Variants in DNAH2 observed in about 807,000 individuals in gnomAD.
DNAH2 encodes the protein dynein axonemal heavy chain 2.
Under a neutral mutation model 523.5 loss-of-function variants are expected in DNAH2, and 323 were observed. The ratio of observed to expected loss-of-function variants is 0.62; its 90% CI spans 0.56 to 0.68. The LOEUF (loss-of-function observed/expected upper bound fraction) is 0.68, where lower values mean the gene tolerates loss of function less well. DNAH2 is among the 30% of genes least tolerant of loss of function. The pLI, the probability that DNAH2 is intolerant of heterozygous loss-of-function variation, is 0.00. For synonymous variants in DNAH2, 2,093 were observed against 2,177.4 expected, an observed-to-expected ratio of 0.96 and a Z score of 1.08; for missense variants, 4,907 against 5,701.5, an observed-to-expected ratio of 0.86 and a Z score of 4.49.
At position 7,768,238 on chromosome 17, in the gene DNAH2, AGACC is replaced by A; in HGVS notation, c.3913_3916del (p.Asp1305CysfsTer59). 6.2e-7 allele frequency: 1 copy of A among 1,614,144 alleles called. No individual in the cohort carries two copies. Among genetic ancestry groups the A allele is most frequent in the Non-Finnish European group, 8.5e-7 (1 of 1,180,000 alleles). The stretch of plus-strand genomic sequence containing the variant: ...TCAAGAGGACCATGCCTCTCATCTC[AGACC>A]TGCGGAACCCTGCCCTTAGAGAGAG... On this transcript the variant is annotated frameshift_variant, in exon 24 of 86. Coordinates refer to ENST00000572933, the MANE Select transcript of DNAH2 (RefSeq NM_020877.5). LOFTEE classifies it high-confidence loss of function.
chr17:7,817,888 C>G lies in DNAH2; in HGVS notation c.10236+32C>G, dbSNP rs369522827. 3.5e-4 allele frequency: 559 copies of G among 1,614,028 alleles called. 1 individual carries two copies. The highest frequency in any genetic ancestry group is 1.8e-3 in the African/African-American group (138 of 74,996). ...GGCTGGGGGGTCAGGTTAGCCCCCC[C>G]CTTCCTGAGGCCCCACCTCTCCCGT... On this transcript the variant is annotated intron_variant, in intron 67 of 85. Coordinates refer to ENST00000572933, the MANE Select transcript of DNAH2 (RefSeq NM_020877.5).
chr17:7,759,678 T>C, intron 16 of DNAH2, 68 bp downstream of exon 16: 3 of 1,599,986 alleles, frequency 1.9e-6, no homozygotes, highest in South Asian at 2.3e-5. Flanking sequence ...CCTTAATTCC[T>C]AAACTTGGTC....
chr17:7,739,986 C>T, intron 9 of DNAH2, 48 bp downstream of exon 9: 1 of 1,598,860 alleles, frequency 6.3e-7, no homozygotes, highest in South Asian at 1.1e-5. Flanking sequence ...GAAGGCAGAT[C>T]AGGCAGCCAA....
intron 12 of DNAH2, among the ~76,000 whole-genome samples, chr17:7,751,257 T>A (rs1305824145): frequency 6.6e-6 from 1 of 152,056 alleles, no homozygotes; most frequent in Non-Finnish European, 1.5e-5. Flanking sequence ...GATTTCTGGC[T>A]AATTTTTGGA....
rs1734828816 is a variant in DNAH2 at position 7,818,067 on chromosome 17, C to T, written c.10358C>T (p.Pro3453Leu). 1 of 1,612,982 alleles carries T rather than the reference C, an allele frequency of 6.2e-7. No individual in the cohort carries two copies. The highest frequency in any genetic ancestry group is 8.5e-7 in the Non-Finnish European group (1 of 1,180,038). ...VQEYLDPTLN[P>L]MLNKSVARIG... ...GAATATCTGGACCCCACACTGAACC[C>T]CATGCTCAACAAATCTGTAGCCCGA... The change falls in exon 68 of 86, where the codon CCC (proline) becomes CTC (leucine). Residue 3453 changes from proline (P) to leucine (L), a missense_variant. Pro to Leu is a moderately conservative substitution (Grantham distance 98, BLOSUM62 -3). Transcript: ENST00000572933.
At chr17:7,800,343 G>A (rs1018463656) in intron 56 of DNAH2, among the ~76,000 whole-genome samples, 5 of 152,020 alleles carry the variant, frequency 3.3e-5, no homozygotes, top group Non-Finnish European at 7.4e-5. Context: ...GAGCCACCGC[G>A]CCCAGCTACC....
At chr17:7,740,638 G>A (rs1412713598) in intron 10 of DNAH2, 89 bp downstream of exon 10, 1 of 1,570,762 alleles carries the variant, frequency 6.4e-7, no homozygotes, top group Non-Finnish European at 8.6e-7. Context: ...CTCCACGTGT[G>A]CCCTTCTCCA....
chr17:7,824,436 G>A, intron 76 of DNAH2, 101 bp from the exon 77 acceptor site: 1 of 1,411,428 alleles, frequency 7.1e-7, no homozygotes, highest in Non-Finnish European at 9.3e-7. Context: ...AGATCTTAGT[G>A]TTAGGCCCCC....
chr17:7,733,475 C>CTTTTTTTTTTTTTTTTTTCT (rs2075051026), intron 5 of DNAH2, among the ~76,000 whole-genome samples, 160 bp downstream of exon 5: 1 of 113,862 alleles, frequency 8.8e-6, no homozygotes, highest in Non-Finnish European at 1.9e-5. Context: ...CCTTCTTCTT[C>CTTTTTTTTTTTTTTTTTTCT]TTTTTTTTTT....
At position 7,752,667 on chromosome 17, in the gene DNAH2, G is replaced by A. The variant is rs569326886; in HGVS notation, c.1905-4424G>A. Among the ~76,000 whole-genome samples the A allele has an allele frequency of 9.2e-5, 14 of 152,128 alleles. No homozygotes were observed. The South Asian group carries it at 1.5e-3, about 16-fold the overall frequency. On this transcript the variant is annotated intron_variant, in intron 12 of 85. Coordinates refer to ENST00000572933, the MANE Select transcript of DNAH2 (RefSeq NM_020877.5). ...AGAGCTTGCAGTGAGCTGAGATTGC[G>A]CCACTGCACTCCAGCCTGGGTGACA...
chr17:7,776,635 C>A (rs2076460477), intron 31 of DNAH2, 144 bp from the exon 32 acceptor site: 3 of 609,620 alleles, frequency 4.9e-6, no homozygotes, highest in African/African-American at 1.8e-5. Context: ...TAGCTCCTGA[C>A]CTGAGGCCCA....
chr17:7,804,593 C>G (rs907096156), intron 59 of DNAH2, 127 bp downstream of exon 59: 8 of 1,116,058 alleles, frequency 7.2e-6, no homozygotes, highest in Non-Finnish European at 1.0e-5. Flanking sequence ...CGCCTGTAAT[C>G]CCAGCACTTT....
At chr17:7,820,516 C>T (rs1372627483) in intron 72 of DNAH2, among the ~76,000 whole-genome samples, 1 of 152,194 alleles carries the variant, frequency 6.6e-6, no homozygotes, top group Non-Finnish European at 1.5e-5. Flanking sequence ...TTTGCTCATG[C>T]TGTGATCTCT....
chr17:7,814,789 G>A (rs547507071), intron 63 of DNAH2, among the ~76,000 whole-genome samples: 1 of 152,326 alleles, frequency 6.6e-6, no homozygotes, highest in East Asian at 1.9e-4. Context: ...GGCAGAGGTT[G>A]CGGTGAGGTG....
chr17:7,815,378 A>T (rs1315461215), intron 63 of DNAH2, among the ~76,000 whole-genome samples: 1 of 152,248 alleles, frequency 6.6e-6, no homozygotes, highest in Non-Finnish European at 1.5e-5. Flanking sequence ...CGGGAAAGGG[A>T]ACATGTATCG....
rs1426773648 is a variant in DNAH2, at chr17:7,778,317, C to G, written c.5389C>G (p.Arg1797Gly). Reference sequence around the variant, plus strand: ...ACTGACCACGGCATTGCACCTGCACCGAGGGGGCTCCCCCAAAGGCCCTGC... The same window carrying G: ...ACTGACCACGGCATTGCACCTGCACGGAGGGGGCTCCCCCAAAGGCCCTGC... The part of the protein sequence containing the change: ...MTLTTALHLH[R>G]GGSPKGPAGT... Residue 1797 changes from arginine to glycine, a missense_variant, in exon 35 of 86, where the codon CGA (arginine) becomes GGA (glycine). Arg to Gly is a moderately radical substitution (Grantham distance 125). Coordinates refer to ENST00000572933, the MANE Select transcript of DNAH2 (RefSeq NM_020877.5). 1 of 1,614,176 alleles carries G rather than the reference C, an allele frequency of 6.2e-7. No homozygotes were observed.
Position 7,786,745 on chromosome 17 carries a change from G to T in DNAH2, c.6466+58G>T. 6.2e-7 allele frequency: 1 copy of T among 1,601,310 alleles called. No homozygotes were observed. Among genetic ancestry groups the T allele is most frequent in the South Asian group, 1.1e-5 (1 of 90,478 alleles). The stretch of plus-strand genomic sequence containing the variant: ...ACGCCTGAGTCTCCTAAGGGGGCAG[G>T]GAGTCTGGGGATAGGAAGTTCCAAG... On this transcript the variant is annotated intron_variant, in intron 41 of 85. Coordinates refer to ENST00000572933, the MANE Select transcript of DNAH2 (RefSeq NM_020877.5). This position sits in a 1 kb window ranked among gnomAD's most constrained non-coding sequence, Gnocchi z 7.5.
chr17:7,755,500 G>A (rs1216674134), intron 12 of DNAH2, among the ~76,000 whole-genome samples: 1 of 152,156 alleles, frequency 6.6e-6, no homozygotes, highest in East Asian at 1.9e-4. Context: ...AGGATACCAA[G>A]GTCTGTGGAG....
chr17:7,789,358 G>T (rs1033476123), intron 44 of DNAH2, among the ~76,000 whole-genome samples: 5 of 152,172 alleles, frequency 3.3e-5, no homozygotes, highest in African/African-American at 1.2e-4. Context: ...GCCTGGCAGG[G>T]CGGGCCGAGC....
Sources: allele counts gnomAD v4.1 joint callset (sites outside exome capture counted in the v4.1 genomes callset), GRCh38; gene constraint gnomAD v4.1.1; non-coding constraint Gnocchi (gnomAD v3.1); transcripts MANE v1.5; gene names NCBI Gene and HGNC (gene_info 2026-07-23, HGNC 2026-07-21).